Variants in SATB1 observed in about 807,000 individuals in gnomAD.
The protein encoded by SATB1 is DNA-binding protein SATB1.
A neutral mutation model predicts 86.9 loss-of-function variants in SATB1; 11 were observed. The ratio of observed to expected loss-of-function variants is 0.13; its 90% confidence interval spans 0.08 to 0.21. The LOEUF (loss-of-function observed/expected upper bound fraction) is 0.21. SATB1 is among the 10% of genes least tolerant of loss of function. The pLI, the probability that SATB1 is intolerant of heterozygous loss-of-function variation, is 1.00. For synonymous variants in SATB1, 357 were observed against 357.2 expected, an observed-to-expected ratio of 1.00 and a Z score of 0.01; for missense variants, 551 against 937.6, an observed-to-expected ratio of 0.59 and a Z score of 5.39.
chr3:18,437,976 G>A (rs901176342), intron 1 of SATB1, among the ~76,000 whole-genome samples: 9 of 152,082 alleles, frequency 5.9e-5, no homozygotes, highest in Non-Finnish European at 1.3e-4. Flanking sequence ...TCCATTGTCT[G>A]TTTCACTAGA....
Position 18,370,515 on chromosome 3 carries a change from C to CAAA in SATB1, c.1575+7652_1575+7654dup, listed in dbSNP as rs11391230. 7.7e-3 allele frequency among the ~76,000 whole-genome samples: 377 copies of CAAA among 48,820 alleles called. 9 individuals are homozygous for CAAA. The highest frequency in any genetic ancestry group is 0.023 in the South Asian group (17 of 742). The allele number at this position is 48,820 out of a possible 152,430, so 32.0% of individuals were successfully genotyped here. A position where few individuals can be genotyped will look rare whatever the true frequency, so the allele number is the denominator to read the frequency against. On this transcript the variant is annotated intron_variant, in intron 9 of 10. Transcript: ENST00000338745. ...GACAATATGGGACAACTGAGAGAGG[C>CAAA]AAAAAAAAAAAAAAAAAAAAAGAGG...
chr3:18,427,588 AAAT>A (rs1200495642), upstream of SATB1, among the ~76,000 whole-genome samples: 1 of 152,218 alleles, frequency 6.6e-6, no homozygotes, highest in Non-Finnish European at 1.5e-5. Context: ...CATTTTACAG[AAAT>A]AAATAAGACA....
At chr3:18,436,696 TA>T (rs1699077977) in intron 2 of SATB1, 1 of 152,228 alleles carries the variant, frequency 6.6e-6, no homozygotes, top group Non-Finnish European at 1.5e-5. Context: ...GCTCAATACG[TA>T]CAAGGCACAG....
chr3:18,409,625 T>G (rs1353006890), intron 5 of SATB1: 2 of 152,030 alleles, frequency 1.3e-5, no homozygotes, highest in South Asian at 4.1e-4. Context: ...TATCAAGTAC[T>G]TCAGTGCCTG....
rs1207285919 is a variant in SATB1, at chr3:18,348,661, T to A, written c.*509A>T. 1.3e-5 allele frequency: 2 copies of A among 152,778 alleles called. No homozygotes were observed. The highest frequency in any genetic ancestry group is 4.8e-5 in the African/African-American group (2 of 41,422). The allele number at this position is 152,778 out of a possible 1,614,324, so 9.5% of individuals were successfully genotyped here. A position where few individuals can be genotyped will look rare whatever the true frequency, so the allele number is the denominator to read the frequency against. On this transcript the variant is annotated 3_prime_UTR_variant, in exon 11 of 11. Coordinates refer to ENST00000338745, the MANE Select transcript of SATB1 (RefSeq NM_002971.6). ...ATAATACAAGGCATTTGTTGGCATA[T>A]GTCATCTTTAAACTGCATTCCACAG...
chr3:18,375,715 G>C (rs963099442), intron 9 of SATB1, among the ~76,000 whole-genome samples: 9 of 152,088 alleles, frequency 5.9e-5, no homozygotes, highest in Non-Finnish European at 1.3e-4. Flanking sequence ...TCTTTTGTTA[G>C]TGATATACAC....
chr3:18,371,462 A>T (rs1409016282), intron 9 of SATB1, among the ~76,000 whole-genome samples: 1 of 152,202 alleles, frequency 6.6e-6, no homozygotes, highest in Non-Finnish European at 1.5e-5. Flanking sequence ...ATCTAAAAGT[A>T]TAACAAGTAT....
At chr3:18,426,759 C>G (rs1458661072), upstream of SATB1, among the ~76,000 whole-genome samples, 1 of 152,088 alleles carries the variant, frequency 6.6e-6, no homozygotes, top group Non-Finnish European at 1.5e-5. The surrounding 1 kb of genome is among the most constrained non-coding windows in gnomAD (Gnocchi z 4.2). Context: ...AAAAAAGCAA[C>G]AAGTTAGCAC....
intron 5 of SATB1, chr3:18,411,061 A>G: frequency 2.5e-6 from 1 of 393,272 alleles, no homozygotes; most frequent in Non-Finnish European, 4.5e-6. Context: ...GATGCTGTGA[A>G]TAAAAGGAAA....
chr3:18,434,020 G>A (rs1448847743), intron 2 of SATB1, among the ~76,000 whole-genome samples: 1 of 151,910 alleles, frequency 6.6e-6, no homozygotes, highest in Non-Finnish European at 1.5e-5. Flanking sequence ...GAAACAAATA[G>A]CACATTTATG....
intron 7 of SATB1, among the ~76,000 whole-genome samples, chr3:18,392,630 G>T (rs1235582703): frequency 6.6e-6 from 1 of 151,568 alleles, no homozygotes; most frequent in South Asian, 2.1e-4. Flanking sequence ...TTGTGTCTAT[G>T]TCATGATGTC....
At position 18,349,618 on chromosome 3, in the gene SATB1, T is replaced by C. The variant is rs1405147698; in HGVS notation, c.1844A>G (p.Gln615Arg). 1.2e-6 allele frequency: 2 copies of C among 1,613,468 alleles called. No homozygotes were observed. Among genetic ancestry groups the C allele is most frequent in the Non-Finnish European group, 1.7e-6 (2 of 1,179,956 alleles). The change falls in exon 11 of 11, where the codon CAG becomes CGG. Residue 615 changes from glutamine (Q) to arginine (R), a missense_variant. This residue lies in a region of SATB1 where 87 missense variants were observed against 103.6 expected (regional missense o/e 0.84). Coordinates refer to ENST00000338745, the MANE Select transcript of SATB1 (RefSeq NM_002971.6). The surrounding 1 kb of genome is among the most constrained non-coding windows in gnomAD (Gnocchi z 5.5). ...QQQAPPPPQP[Q>R]QQPQTGPRLP... ...CCGAGGGCCTGTCTGTGGCTGCTGCTGTGGCTGTGGAGGCGGCGGTGCCTG... is the reference window on the plus strand; with the variant it reads ...CCGAGGGCCTGTCTGTGGCTGCTGCCGTGGCTGTGGAGGCGGCGGTGCCTG...
At position 18,444,735 on chromosome 3, in the gene SATB1, C is replaced by A; in HGVS notation, c.-25+783G>T. 1 of 812,692 alleles carries A rather than the reference C, an allele frequency of 1.2e-6. No homozygotes were observed. The highest frequency in any genetic ancestry group is 1.5e-6 in the Non-Finnish European group (1 of 672,718). The allele number at this position is 812,692 out of a possible 1,614,324, so 50.3% of individuals were successfully genotyped here. A position where few individuals can be genotyped will look rare whatever the true frequency, so the allele number is the denominator to read the frequency against. ...CTTCTGCCTCTCCTGCCGCCGCCGC[C>A]GCCGCCGGAGCTGCGGCTGCCGCGG... On this transcript the variant is annotated intron_variant, in intron 1 of 3. Transcript: ENST00000415069. This position sits in a 1 kb window ranked among gnomAD's most constrained non-coding sequence, Gnocchi z 5.1.
At chr3:18,388,216 TTCAG>T (rs1044302755) in intron 7 of SATB1, among the ~76,000 whole-genome samples, 101 of 152,118 alleles carry the variant, frequency 6.6e-4, no homozygotes, top group African/African-American at 2.4e-3. Context: ...TTAACTAAAA[TTCAG>T]TCAAACAGGC....
chr3:18,386,623 G>GA lies in SATB1; in HGVS notation c.1207-13dup. 6.2e-7 allele frequency: 1 copy of GA among 1,611,630 alleles called. No individual in the cohort carries two copies. Among genetic ancestry groups the GA allele is most frequent in the Non-Finnish European group, 8.5e-7 (1 of 1,177,952 alleles). On this transcript the variant is annotated splice_polypyrimidine_tract_variant and intron_variant, in intron 7 of 10. Coordinates refer to ENST00000338745, the MANE Select transcript of SATB1 (RefSeq NM_002971.6). The surrounding 1 kb of genome is among the most constrained non-coding windows in gnomAD (Gnocchi z 4.5). ...TCTGAAAGCAAGCCCTGCAAGAAAT[G>GA]AAAGGCACAGGGTGAGCCTGCTGCC...
intron 2 of SATB1, chr3:18,417,547 C>T: frequency 3.2e-6 from 2 of 625,858 alleles, no homozygotes; most frequent in East Asian, 5.5e-5. Flanking sequence ...AACAAATTAT[C>T]TTCGACCACG....
rs1268489442 is a variant in SATB1, at chr3:18,445,325, C to T, written c.-25+193G>A. On this transcript the variant is annotated intron_variant, in intron 1 of 3. Transcript: ENST00000415069. Reference sequence around the variant, plus strand: ...CGCCGCCGCTGCTGCGCACCGCTCCCGGGCTCCCTCCCAGCGCGCCGGCCG... The same window carrying T: ...CGCCGCCGCTGCTGCGCACCGCTCCTGGGCTCCCTCCCAGCGCGCCGGCCG... 3 of 983,024 alleles carry T rather than the reference C, an allele frequency of 3.1e-6. No homozygotes were observed. In the African/African-American group the frequency reaches 5.3e-5, roughly 17 times the overall value. The allele number at this position is 983,024 out of a possible 1,614,324, so 60.9% of individuals were successfully genotyped here.
chr3:18,430,137 G>A (rs192919948), upstream of SATB1, among the ~76,000 whole-genome samples: 143 of 152,132 alleles, frequency 9.4e-4, 2 homozygotes, highest in South Asian at 0.011. Context: ...CTCTAATAGC[G>A]GACAGTGTAG....
Position 18,421,129 on chromosome 3 carries a change from T to C in SATB1, c.-24-138A>G, listed in dbSNP as rs1056972812. ...TGTAAAATGGCCTATCTAGATATGA[T>C]ACAGATGTTACTATATTTCTAGATG... On this transcript the variant is annotated intron_variant, in intron 1 of 10. Transcript: ENST00000338745. 4.0e-5 allele frequency: 24 copies of C among 607,154 alleles called. No individual in the cohort carries two copies. In the Admixed American group the frequency reaches 5.0e-4, roughly 13 times the overall value. 37.6% of individuals were successfully genotyped at this position (607,154 alleles called of 1,614,324 possible). A position where few individuals can be genotyped will look rare whatever the true frequency, so the allele number is the denominator to read the frequency against.
Sources: allele counts gnomAD v4.1 joint callset (sites outside exome capture counted in the v4.1 genomes callset), GRCh38; gene constraint gnomAD v4.1.1; regional missense constraint gnomAD v4.1.1; non-coding constraint Gnocchi (gnomAD v3.1); transcripts MANE v1.5; gene names NCBI Gene and HGNC (gene_info 2026-07-23, HGNC 2026-07-21).